The following RHD variants were observed in gnomAD, a reference collection of about 807,000 sequenced individuals.
RHD encodes Rh blood group D antigen.
In RHD, 16 loss-of-function variants were observed where a neutral mutation model predicts 45.5. The observed-to-expected ratio is 0.35, with a 90% CI of 0.24 to 0.53. RHD has a LOEUF of 0.53. Ranked by LOEUF, RHD falls within the 20% of genes least tolerant of loss-of-function variation. RHD has a pLI of 0.92. For missense variants in RHD, 306 were observed against 532.0 expected (o/e 0.58, Z 4.18); for synonymous variants, 131 against 217.5 (o/e 0.60, Z 3.50).
In RHD at chr1:25,290,614, C is replaced by G. The variant is rs1459230322; in HGVS notation, c.336-27C>G. 13 of 1,357,440 alleles carry G rather than the reference C, an allele frequency of 9.6e-6. 3 individuals are homozygous for G. The highest frequency in any genetic ancestry group is 1.4e-5 in the Non-Finnish European group (13 of 958,758). The allele number at this position is 1,357,440 out of a possible 1,614,324, so 84.1% of individuals were successfully genotyped here. Reference sequence around the variant, plus strand: ...GTGAGAGGCATCCTTCCTTCTCAGTCGTCCTGGCTCTCCCTCTCTCCCCCA... The same window carrying G: ...GTGAGAGGCATCCTTCCTTCTCAGTGGTCCTGGCTCTCCCTCTCTCCCCCA... On this transcript the variant is annotated intron_variant, in intron 2 of 9. Coordinates refer to ENST00000328664, the MANE Select transcript of RHD (RefSeq NM_016124.6).
intron 3 of RHD, among the ~76,000 whole-genome samples, chr1:25,295,827 T>G (rs1468775523): frequency 9.6e-6 from 1 of 104,410 alleles, no homozygotes; most frequent in Non-Finnish European, 2.3e-5. Context: ...AAAAGAACAA[T>G]GGTCTGGGAG....
At chr1:25,318,353 T>A (rs1644517736) in intron 8 of RHD, 1 of 131,832 alleles carries the variant, frequency 7.6e-6, no homozygotes, top group South Asian at 2.3e-4. Flanking sequence ...TTTGGGAGGC[T>A]GAGACAGGTA....
rs550148687 is a variant in RHD at position 25,283,143 on chromosome 1, T to C, written c.149-1430T>C. On this transcript the variant is annotated intron_variant, in intron 1 of 9. Coordinates refer to ENST00000328664, the MANE Select transcript of RHD (RefSeq NM_016124.6). The stretch of plus-strand genomic sequence containing the variant: ...CTGGCAACCTAATGAAGGAGTATGA[T>C]CATTTCCCCTATTTAACAGACAAGA... Among the ~76,000 whole-genome samples the C allele has an allele frequency of 1.3e-3, 168 of 132,256 alleles. 26 individuals are homozygous for C. The highest frequency in any genetic ancestry group is 4.1e-3 in the African/African-American group (159 of 38,840). 86.8% of individuals were successfully genotyped at this position (132,256 alleles called of 152,430 possible). A position where few individuals can be genotyped will look rare whatever the true frequency, so the allele number is the denominator to read the frequency against.
Position 25,306,818 on chromosome 1 carries a change from C to T in RHD, c.1073+89C>T, listed in dbSNP as rs763475977. 5.0e-4 allele frequency: 586 copies of T among 1,164,098 alleles called. 146 individuals are homozygous for T. The highest frequency in any genetic ancestry group is 6.9e-4 in the Non-Finnish European group (541 of 787,404). 72.1% of individuals were successfully genotyped at this position (1,164,098 alleles called of 1,614,324 possible). ...GCAGAGTCCTTAGCTGGGGCGTGTG[C>T]ACTCGGGGCCAGGTGCTCAGTAGGC... On this transcript the variant is annotated intron_variant, in intron 7 of 9. Transcript: ENST00000328664.
intron 1 of RHD, among the ~76,000 whole-genome samples, chr1:25,282,297 C>T (rs1354633810): frequency 2.3e-5 from 3 of 131,340 alleles, no homozygotes; most frequent in African/African-American, 2.6e-5. Context: ...TGCAGTGGTG[C>T]GGTCTCAGCT....
rs1264108320 is a variant in RHD, at chr1:25,298,917, C to G, written c.487-2029C>G. ...TGTTTGAGAGGGTGGCCAGGGGCAG[C>G]TTCATCTTATCAAGAGGGTGATTTT... On this transcript the variant is annotated intron_variant, in intron 3 of 9. Coordinates refer to ENST00000328664, the MANE Select transcript of RHD (RefSeq NM_016124.6). 5.5e-5 allele frequency among the ~76,000 whole-genome samples: 7 copies of G among 128,354 alleles called. 3 individuals carry two copies. The highest frequency in any genetic ancestry group is 1.3e-4 in the Non-Finnish European group (7 of 54,698). 84.2% of individuals were successfully genotyped at this position (128,354 alleles called of 152,430 possible).
intron 8 of RHD, among the ~76,000 whole-genome samples, chr1:25,318,560 C>T (rs550970131): frequency 7.6e-6 from 1 of 131,404 alleles, no homozygotes; most frequent in South Asian, 2.4e-4. Context: ...TGCCCTCCAG[C>T]CTAGGTGACA....
chr1:25,330,116 G>C lies in RHD; in HGVS notation c.*1192G>C, dbSNP rs1326572158. 7.5e-6 allele frequency: 1 copy of C among 132,512 alleles called. No homozygotes were observed. Among genetic ancestry groups the C allele is most frequent in the Non-Finnish European group, 1.8e-5 (1 of 55,972 alleles). 8.2% of individuals were successfully genotyped at this position (132,512 alleles called of 1,614,324 possible). Reference sequence around the variant, plus strand: ...GGCAGTGTTTAAATGCTCTTCTGAAGGCTGATACGACAGCTCTCTGTGCAC... The same window carrying C: ...GGCAGTGTTTAAATGCTCTTCTGAACGCTGATACGACAGCTCTCTGTGCAC... On this transcript the variant is annotated 3_prime_UTR_variant, in exon 10 of 10. Coordinates refer to ENST00000328664, the MANE Select transcript of RHD (RefSeq NM_016124.6).
Position 25,303,631 on chromosome 1 carries a change from A to G in RHD, c.939+172A>G, listed in dbSNP as rs144430844. Among the ~76,000 whole-genome samples, 302 of 130,196 alleles carry G rather than the reference A, an allele frequency of 2.3e-3. 46 individuals are homozygous for G. Among genetic ancestry groups the G allele is most frequent in the African/African-American group, 7.5e-3 (285 of 37,890 alleles). 85.4% of individuals were successfully genotyped at this position (130,196 alleles called of 152,430 possible). Reference sequence around the variant, plus strand: ...TCCTGGCTCGGTGGCGCATTTGTTAAGATGCTCGGGAGCAGGTGGCAGAAC... The same window carrying G: ...TCCTGGCTCGGTGGCGCATTTGTTAGGATGCTCGGGAGCAGGTGGCAGAAC... On this transcript the variant is annotated intron_variant, in intron 6 of 9. Coordinates refer to ENST00000328664, the MANE Select transcript of RHD (RefSeq NM_016124.6).
rs1274676795 is a variant in RHD, at chr1:25,303,724, G to C, written c.939+265G>C. The stretch of plus-strand genomic sequence containing the variant: ...GCTACTGGGGTGTCACAGAACTCAA[G>C]GACAGGGACTGGAGTGTTGTGGGGA... On this transcript the variant is annotated intron_variant, in intron 6 of 9. Coordinates refer to ENST00000328664, the MANE Select transcript of RHD (RefSeq NM_016124.6). Among the ~76,000 whole-genome samples, 2 of 131,764 alleles carry C rather than the reference G, an allele frequency of 1.5e-5. 1 individual carries two copies. Among genetic ancestry groups the C allele is most frequent in the Non-Finnish European group, 3.6e-5 (2 of 55,688 alleles). The allele number at this position is 131,764 out of a possible 152,430, so 86.4% of individuals were successfully genotyped here.
intron 2 of RHD, among the ~76,000 whole-genome samples, chr1:25,289,782 G>A (rs1642332304): frequency 1.6e-5 from 2 of 126,766 alleles, no homozygotes; most frequent in South Asian, 4.8e-4. Context: ...GATATTCTTA[G>A]TTGACAGGCT....
chr1:25,301,198 T>C lies in RHD; in HGVS notation c.634+105T>C. The C allele has an allele frequency of 1.9e-6, 2 of 1,059,228 alleles. 1 individual carries two copies. The highest frequency in any genetic ancestry group is 2.9e-6 in the Non-Finnish European group (2 of 689,964). The allele number at this position is 1,059,228 out of a possible 1,614,324, so 65.6% of individuals were successfully genotyped here. ...CCCTCCTTTACCAAGTTCCCCTGGG[T>C]GTCTGAAGCCCTTCCATCATGATTC... is the stretch of plus-strand genomic sequence containing the variant. On this transcript the variant is annotated intron_variant, in intron 4 of 9. Transcript: ENST00000328664.
rs542518568 is a variant in RHD, at chr1:25,316,072, G to A, written c.1074-928G>A. Among the ~76,000 whole-genome samples the A allele has an allele frequency of 8.4e-5, 11 of 131,346 alleles. 2 individuals carry two copies. The highest frequency in any genetic ancestry group is 1.4e-4 in the Non-Finnish European group (8 of 55,612). The allele number at this position is 131,346 out of a possible 152,430, so 86.2% of individuals were successfully genotyped here. On this transcript the variant is annotated intron_variant, in intron 7 of 9. Coordinates refer to ENST00000328664, the MANE Select transcript of RHD (RefSeq NM_016124.6). ...ACTGGCTTGTTATGTACAACTATCCGTGGGGCTGCAGTGAACGGGCTGGCA... is the reference window on the plus strand; with the variant it reads ...ACTGGCTTGTTATGTACAACTATCCATGGGGCTGCAGTGAACGGGCTGGCA...
rs1643867138 is a variant in RHD, at chr1:25,306,692, C to A, written c.1036C>A (p.Leu346Met). ...GLLGEIIYIV[L>M]LVLDTVGAGN... ...GCTTGGAGAGATCATCTACATTGTGCTGCTGGTGCTTGATACCGTCGGAGC... is the reference window on the plus strand; with the variant it reads ...GCTTGGAGAGATCATCTACATTGTGATGCTGGTGCTTGATACCGTCGGAGC... The change falls in exon 7 of 10, where the codon CTG (leucine) becomes ATG (methionine). Residue 346 changes from leucine to methionine, a missense_variant. By Grantham distance (15) the Leu-to-Met change is conservative (BLOSUM62 2). Transcript: ENST00000328664. 1 of 1,378,564 alleles carries A rather than the reference C, an allele frequency of 7.3e-7. No individual in the cohort carries two copies. 85.4% of individuals were successfully genotyped at this position (1,378,564 alleles called of 1,614,324 possible).
In RHD at chr1:25,328,966, A is replaced by G. The variant is rs1247110658; in HGVS notation, c.*42A>G. 7.4e-7 allele frequency: 1 copy of G among 1,354,596 alleles called. No homozygotes were observed. Among genetic ancestry groups the G allele is most frequent in the East Asian group, 2.3e-5 (1 of 44,406 alleles). The allele number at this position is 1,354,596 out of a possible 1,614,324, so 83.9% of individuals were successfully genotyped here. A position where few individuals can be genotyped will look rare whatever the true frequency, so the allele number is the denominator to read the frequency against. On this transcript the variant is annotated 3_prime_UTR_variant, in exon 10 of 10. Transcript: ENST00000328664. ...AAAACAAGGCCTGTTCAAAAACAAG[A>G]CAACTTCCTCTCACTGTTGCCTGCA...
Position 25,302,419 on chromosome 1 carries a change from G to A in RHD, c.801+733G>A, listed in dbSNP as rs1053939144. ...GGGGGGGCTGGAGTGGAAAGAATGT[G>A]GCCACAGATGACAGCTTCACAGCAG... is the stretch of plus-strand genomic sequence containing the variant. On this transcript the variant is annotated intron_variant, in intron 5 of 9. Transcript: ENST00000328664. Among the ~76,000 whole-genome samples, 12 of 129,022 alleles carry A rather than the reference G, an allele frequency of 9.3e-5. 2 individuals carry two copies. Among genetic ancestry groups the A allele is most frequent in the African/African-American group, 3.2e-4 (12 of 37,270 alleles). The allele number at this position is 129,022 out of a possible 152,430, so 84.6% of individuals were successfully genotyped here. A position where few individuals can be genotyped will look rare whatever the true frequency, so the allele number is the denominator to read the frequency against.
At chr1:25,289,847 G>A (rs1203053007) in intron 2 of RHD, among the ~76,000 whole-genome samples, 1 of 125,368 alleles carries the variant, frequency 8.0e-6, no homozygotes, top group Non-Finnish European at 1.9e-5. Context: ...TGGATCATAA[G>A]TATCTTCAAG....
intron 1 of RHD, 44 bp downstream of exon 1, chr1:25,272,739 G>T (rs753892726): frequency 7.3e-7 from 1 of 1,375,832 alleles, no homozygotes; most frequent in African/African-American, 1.4e-5. Flanking sequence ...AAATAGCAGG[G>T]GCAGGGGCGG....
At position 25,300,698 on chromosome 1, in the gene RHD, A is replaced by C. The variant is rs1376550149; in HGVS notation, c.487-248A>C. On this transcript the variant is annotated intron_variant, in intron 3 of 9. Transcript: ENST00000328664. ...GTGGCGCATGCCTGTAATCCCAGCT[A>C]CTAGGGAAGCTGAGGCAGGAGAATC... 1.5e-5 allele frequency among the ~76,000 whole-genome samples: 2 copies of C among 131,504 alleles called. 1 individual carries two copies. The highest frequency in any genetic ancestry group is 3.6e-5 in the Non-Finnish European group (2 of 55,756). The allele number at this position is 131,504 out of a possible 152,430, so 86.3% of individuals were successfully genotyped here.
Sources: gnomAD v4.1 joint callset for allele counts (sites outside exome capture counted in the v4.1 genomes callset) on GRCh38, gnomAD v4.1.1 for gene constraint, MANE v1.5 for transcripts, NCBI Gene and HGNC (gene_info 2026-07-23, HGNC 2026-07-21) for gene names.